Variants in CCDC192 observed in about 807,000 individuals in gnomAD.
The protein encoded by CCDC192 is coiled-coil domain containing 192, also known as coiled-coil domain-containing protein 192.
chr5:127,799,590 C>A (rs986952932), intron 5 of CCDC192, among the ~76,000 whole-genome samples: 4 of 152,242 alleles, frequency 2.6e-5, no homozygotes, highest in African/African-American at 9.6e-5. Context: ...ATATGGAGGG[C>A]AAATGTATTC....
chr5:127,726,515 GA>G (rs1354914692), intron 2 of CCDC192, among the ~76,000 whole-genome samples: 1 of 152,162 alleles, frequency 6.6e-6, no homozygotes, highest in East Asian at 1.9e-4. Context: ...TGTCTAACAA[GA>G]AGGTCGCCCA....
At chr5:127,933,584 G>A (rs1320675088) in intron 6 of CCDC192, among the ~76,000 whole-genome samples, 3 of 152,122 alleles carry the variant, frequency 2.0e-5, no homozygotes, top group African/African-American at 7.2e-5. Context: ...TTCATTCTAC[G>A]TGTTCACTAA....
chr5:127,831,850 A>G (rs879555527), intron 5 of CCDC192, among the ~76,000 whole-genome samples: 2 of 152,120 alleles, frequency 1.3e-5, no homozygotes, highest in Non-Finnish European at 2.9e-5. Flanking sequence ...TATTATGTCA[A>G]AAAATCTTGT....
intron 5 of CCDC192, among the ~76,000 whole-genome samples, chr5:127,806,146 C>G (rs1013641192): frequency 1.4e-4 from 21 of 152,166 alleles, no homozygotes; most frequent in African/African-American, 5.1e-4. Context: ...AGGATATTAT[C>G]TTTTCTTTTC....
chr5:127,763,862 C>T (rs1343361045), intron 3 of CCDC192, among the ~76,000 whole-genome samples: 1 of 152,178 alleles, frequency 6.6e-6, no homozygotes, highest in South Asian at 2.1e-4. Flanking sequence ...TCGCCTTACT[C>T]ATTATCCAAA....
At chr5:127,819,871 C>T (rs952470957) in intron 5 of CCDC192, among the ~76,000 whole-genome samples, 1 of 152,168 alleles carries the variant, frequency 6.6e-6, no homozygotes, top group Non-Finnish European at 1.5e-5. Context: ...ATGAATAGTC[C>T]ATGGTCTATA....
At chr5:127,721,138 G>A (rs1174426528) in intron 2 of CCDC192, among the ~76,000 whole-genome samples, 3 of 152,124 alleles carry the variant, frequency 2.0e-5, no homozygotes, top group Admixed American at 6.5e-5. Flanking sequence ...TCTACTACGT[G>A]GCTGGGCTGC....
At chr5:127,933,841 A>G (rs932577283) in intron 6 of CCDC192, among the ~76,000 whole-genome samples, 1 of 152,200 alleles carries the variant, frequency 6.6e-6, no homozygotes, top group African/African-American at 2.4e-5. Context: ...CTTTTCCACC[A>G]TATAAGGACA....
chr5:127,722,969 AT>A (rs971608476), intron 2 of CCDC192, among the ~76,000 whole-genome samples: 1 of 151,308 alleles, frequency 6.6e-6, no homozygotes, highest in Admixed American at 6.6e-5. Flanking sequence ...CAAATCTTGG[AT>A]TTTTTTTTAA....
intron 2 of CCDC192, among the ~76,000 whole-genome samples, chr5:127,714,998 A>G (rs1296176331): frequency 1.3e-5 from 2 of 151,378 alleles, no homozygotes; most frequent in African/African-American, 2.4e-5. Context: ...TGAGTTGTTC[A>G]GTATCCTTAT....
intron 6 of CCDC192, among the ~76,000 whole-genome samples, chr5:127,933,799 CT>C (rs756973535): frequency 1.6e-3 from 236 of 152,238 alleles, no homozygotes; most frequent in Non-Finnish European, 1.6e-3. Context: ...GGGAGTAATG[CT>C]TTATAAAAGA....
chr5:127,874,426 T>C (rs906397982), intron 5 of CCDC192, among the ~76,000 whole-genome samples: 3 of 152,216 alleles, frequency 2.0e-5, no homozygotes, highest in African/African-American at 7.2e-5. Flanking sequence ...TATGTAGTTG[T>C]ACTGGCAACA....
intron 3 of CCDC192, among the ~76,000 whole-genome samples, chr5:127,777,011 C>G (rs1229964727): frequency 6.6e-6 from 1 of 152,210 alleles, no homozygotes; most frequent in Non-Finnish European, 1.5e-5. Context: ...TGGGAGCCCC[C>G]ACACAGAGTC....
chr5:127,749,713 G>C (rs1194280729), intron 2 of CCDC192, among the ~76,000 whole-genome samples: 2 of 152,160 alleles, frequency 1.3e-5, no homozygotes, highest in Admixed American at 1.3e-4. Flanking sequence ...TTTACCTATG[G>C]TAGAATTTGG....
chr5:127,864,192 G>A (rs891660530), intron 5 of CCDC192, among the ~76,000 whole-genome samples: 3 of 152,140 alleles, frequency 2.0e-5, no homozygotes, highest in African/African-American at 7.2e-5. Context: ...ACCATAGCAG[G>A]AAACTCACCA....
At chr5:127,864,214 T>C (rs1010559832) in intron 5 of CCDC192, among the ~76,000 whole-genome samples, 13 of 152,332 alleles carry the variant, frequency 8.5e-5, no homozygotes, top group Non-Finnish European at 1.9e-4. Flanking sequence ...TTATCTACAT[T>C]GGGAAATCCT....
intron 5 of CCDC192, among the ~76,000 whole-genome samples, chr5:127,866,606 G>A (rs1241367078): frequency 1.3e-5 from 2 of 151,552 alleles, no homozygotes; most frequent in East Asian, 1.9e-4. Flanking sequence ...TTTCTCAGAA[G>A]TTTTACTTAT....
chr5:127,814,324 A>G (rs1348924752), intron 5 of CCDC192, among the ~76,000 whole-genome samples: 3 of 152,196 alleles, frequency 2.0e-5, no homozygotes, highest in Admixed American at 6.5e-5. Flanking sequence ...AGCATTAAAA[A>G]CAAGTTATGT....
intron 2 of CCDC192, among the ~76,000 whole-genome samples, chr5:127,752,720 C>T (rs982948621): frequency 1.1e-4 from 16 of 152,302 alleles, no homozygotes; most frequent in Admixed American, 3.9e-4. Flanking sequence ...GCCTCGCTGC[C>T]GCCTTGCAGT....
Sources: allele counts gnomAD v4.1 joint callset (sites outside exome capture counted in the v4.1 genomes callset), GRCh38; gene constraint gnomAD v4.1.1; transcripts MANE v1.5; gene names NCBI Gene and HGNC (gene_info 2026-07-23, HGNC 2026-07-21).